SORCS3: variants seen among roughly 807,000 people sequenced by gnomAD.
SORCS3 encodes sortilin related VPS10 domain containing receptor 3.
Under a neutral mutation model 146.3 loss-of-function variants are expected in SORCS3, and 57 were observed. The ratio of observed to expected loss-of-function variants is 0.39; its 90% confidence interval spans 0.31 to 0.49. The LOEUF is 0.49. SORCS3 is among the 20% of genes least tolerant of loss of function. The pLI is 0.92. For synonymous variants in SORCS3, 653 were observed against 618.5 expected, an observed-to-expected ratio of 1.06 and a Z score of -0.83; for missense variants, 1,341 against 1,575.5, an observed-to-expected ratio of 0.85 and a Z score of 2.52.
chr10:105,113,098 C>T (rs548244830), intron 7 of SORCS3, among the ~76,000 whole-genome samples: 37 of 152,260 alleles, frequency 2.4e-4, no homozygotes, highest in South Asian at 1.9e-3. Context: ...CTTTTGTTTG[C>T]TCTGTATATT....
At chr10:104,843,875 G>T (rs2018174838) in intron 2 of SORCS3, among the ~76,000 whole-genome samples, 1 of 152,190 alleles carries the variant, frequency 6.6e-6, no homozygotes, top group Admixed American at 6.5e-5. Context: ...ACCTTGTGAT[G>T]TGTCAATACT....
chr10:104,686,301 G>T (rs1395474281), intron 1 of SORCS3, among the ~76,000 whole-genome samples: 1 of 151,984 alleles, frequency 6.6e-6, no homozygotes, highest in Non-Finnish European at 1.5e-5. Flanking sequence ...AATTTTTGTT[G>T]GGGGAGTGGG....
At chr10:105,195,995 C>T (rs1334811279) in intron 14 of SORCS3, among the ~76,000 whole-genome samples, 6 of 152,072 alleles carry the variant, frequency 3.9e-5, no homozygotes, top group Non-Finnish European at 7.4e-5. Flanking sequence ...GGGAAAGAAG[C>T]CAAAGAAATG....
intron 3 of SORCS3, among the ~76,000 whole-genome samples, chr10:104,949,797 A>G (rs975846944): frequency 1.3e-5 from 2 of 152,242 alleles, no homozygotes; most frequent in African/African-American, 4.8e-5. Flanking sequence ...AAAGGTGGGG[A>G]AAATGGTGAA....
Position 105,166,308 on chromosome 10 carries a change from C to T in SORCS3, c.1810-950C>T, listed in dbSNP as rs576335787. On this transcript the variant is annotated intron_variant, in intron 12 of 26. Coordinates refer to ENST00000369701, the MANE Select transcript of SORCS3 (RefSeq NM_014978.3). ...TAGCCCTCTTCACTTAACCCACCAT[C>T]CCAACTTCTCCATCTAGGCTGCATG... Among the ~76,000 whole-genome samples, 8 of 152,260 alleles carry T rather than the reference C, an allele frequency of 5.3e-5. No homozygotes were observed. The South Asian group carries it at 1.7e-3, about 32-fold the overall frequency.
At chr10:104,919,219 G>A (rs1057313131) in intron 3 of SORCS3, among the ~76,000 whole-genome samples, 4 of 152,174 alleles carry the variant, frequency 2.6e-5, no homozygotes, top group African/African-American at 9.7e-5. Flanking sequence ...ATAAACAGAA[G>A]TTAGGCCTAT....
chr10:104,920,116 C>T (rs1481012255), intron 3 of SORCS3, among the ~76,000 whole-genome samples: 1 of 152,184 alleles, frequency 6.6e-6, no homozygotes, highest in African/African-American at 2.4e-5. Context: ...TTATCTGTAG[C>T]AACCCATTTC....
chr10:104,683,095 G>A lies in SORCS3; in HGVS notation c.627+41141G>A, dbSNP rs72813615. On this transcript the variant is annotated intron_variant, in intron 1 of 26. Transcript: ENST00000369701. ...CAGAAGCAGGCCCTAAATGTCCTAG[G>A]AGTAGGGACACTTGTCCTCAACCTG... Among the ~76,000 whole-genome samples the A allele has an allele frequency of 9.2e-3, 1,409 of 152,346 alleles. 10 individuals are homozygous for A. The highest frequency in any genetic ancestry group is 0.054 in the Middle Eastern group (16 of 294).
At position 104,828,268 on chromosome 10, in the gene SORCS3, C is replaced by G. The variant is rs1237295459; in HGVS notation, c.628-14524C>G. Reference sequence around the variant, plus strand: ...AATTTAAAGTGTGAGATGTGTGACTCTTCCTTTTACTCAAACACTTAGAGG... The same window carrying G: ...AATTTAAAGTGTGAGATGTGTGACTGTTCCTTTTACTCAAACACTTAGAGG... On this transcript the variant is annotated intron_variant, in intron 1 of 26. Coordinates refer to ENST00000369701, the MANE Select transcript of SORCS3 (RefSeq NM_014978.3). Among the ~76,000 whole-genome samples, 3 of 152,142 alleles carry G rather than the reference C, an allele frequency of 2.0e-5. No homozygotes were observed. The East Asian group carries it at 5.8e-4, about 29-fold the overall frequency.
intron 3 of SORCS3, among the ~76,000 whole-genome samples, chr10:104,934,545 T>C: frequency 6.6e-6 from 1 of 152,138 alleles, no homozygotes; most frequent in African/African-American, 2.4e-5. Flanking sequence ...ACCTTTTGAG[T>C]GAGAGGATTT....
At chr10:104,681,337 C>A (rs945767506) in intron 1 of SORCS3, among the ~76,000 whole-genome samples, 1 of 152,046 alleles carries the variant, frequency 6.6e-6, no homozygotes, top group South Asian at 2.1e-4. Flanking sequence ...CCTCCCCCGC[C>A]CGCCCCTGCC....
chr10:104,909,199 G>A (rs2018940295), intron 2 of SORCS3, among the ~76,000 whole-genome samples: 1 of 152,066 alleles, frequency 6.6e-6, no homozygotes, highest in Admixed American at 6.6e-5. Flanking sequence ...TAGTTGTGGC[G>A]GAGGTCCACA....
intron 1 of SORCS3, among the ~76,000 whole-genome samples, chr10:104,720,331 A>G (rs1354546371): frequency 1.3e-5 from 2 of 152,206 alleles, no homozygotes; most frequent in South Asian, 2.1e-4. Flanking sequence ...GCTGCATAGT[A>G]TTCCATGGTG....
intron 20 of SORCS3, among the ~76,000 whole-genome samples, chr10:105,240,515 A>G (rs1290421461): frequency 6.6e-6 from 1 of 152,186 alleles, no homozygotes; most frequent in Non-Finnish European, 1.5e-5. Context: ...TCACATGTCT[A>G]TCTGTCCATC....
At chr10:105,150,980 C>G (rs2056164097) in intron 9 of SORCS3, among the ~76,000 whole-genome samples, 1 of 152,138 alleles carries the variant, frequency 6.6e-6, no homozygotes, top group Non-Finnish European at 1.5e-5. Flanking sequence ...TTTTCACATT[C>G]AATTCAGCTA....
intron 16 of SORCS3, among the ~76,000 whole-genome samples, chr10:105,208,791 T>G (rs2056617226): frequency 6.6e-6 from 1 of 152,180 alleles, no homozygotes; most frequent in African/African-American, 2.4e-5. Flanking sequence ...ATTTCTGAGA[T>G]GTTAACTGTG....
intron 1 of SORCS3, among the ~76,000 whole-genome samples, chr10:104,743,742 G>A (rs912402438): frequency 3.9e-5 from 6 of 152,066 alleles, no homozygotes; most frequent in African/African-American, 7.2e-5. Context: ...GAACCTGTAC[G>A]TGCTGCTGTG....
intron 7 of SORCS3, among the ~76,000 whole-genome samples, chr10:105,109,865 G>A (rs530684750): frequency 2.0e-5 from 3 of 152,046 alleles, no homozygotes; most frequent in African/African-American, 7.2e-5. Context: ...TGGCCATAAT[G>A]TACTGATTCT....
At chr10:105,255,565 T>C (rs2056926565) in intron 23 of SORCS3, 137 bp from the exon 24 acceptor site, 2 of 621,268 alleles carry the variant, frequency 3.2e-6, no homozygotes, top group Non-Finnish European at 5.8e-6. Flanking sequence ...ACCAAATCGA[T>C]AAATATTTTT....
Sources: allele counts gnomAD v4.1 joint callset (sites outside exome capture counted in the v4.1 genomes callset), GRCh38; gene constraint gnomAD v4.1.1; transcripts MANE v1.5; gene names NCBI Gene and HGNC (gene_info 2026-07-23, HGNC 2026-07-21).